NRXN1: variants seen among roughly 807,000 people sequenced by gnomAD.
NRXN1 encodes the protein neurexin-1.
Under a neutral mutation model 150.9 loss-of-function variants are expected in NRXN1, and 39 were observed. The ratio of observed to expected loss-of-function variants is 0.26; its 90% CI spans 0.20 to 0.34. NRXN1 has a LOEUF of 0.34. Among genes scored for constraint, NRXN1 ranks in the 10% least tolerant of loss-of-function variants. The probability of loss-of-function intolerance (pLI) is 1.00; values close to 1 mark genes in which losing one functional copy is unlikely to be tolerated. For missense variants in NRXN1, 1,815 were observed against 1,949.9 expected (o/e 0.93, Z 1.30); for synonymous variants, 924 against 757.0 (o/e 1.22, Z -3.62).
chr2:50,123,051 T>C (rs1314568894), intron 18 of NRXN1, among the ~76,000 whole-genome samples: 1 of 152,198 alleles, frequency 6.6e-6, no homozygotes, highest in South Asian at 2.1e-4. Context: ...AAAATGTAAT[T>C]ACATTTATTT....
chr2:50,043,312 G>C (rs1166145994), intron 21 of NRXN1, among the ~76,000 whole-genome samples: 1 of 152,158 alleles, frequency 6.6e-6, no homozygotes, highest in Non-Finnish European at 1.5e-5. Context: ...GTTCAGAACA[G>C]AACAAGTTGG....
At chr2:50,555,371 TG>T (rs1195384826) in intron 8 of NRXN1, among the ~76,000 whole-genome samples, 3 of 152,108 alleles carry the variant, frequency 2.0e-5, no homozygotes, top group Admixed American at 2.0e-4. Flanking sequence ...AGTCTAAGTC[TG>T]GGCAAGGATT....
chr2:50,514,811 G>T (rs2092577371), intron 12 of NRXN1, among the ~76,000 whole-genome samples: 2 of 152,100 alleles, frequency 1.3e-5, no homozygotes, highest in African/African-American at 4.8e-5. Context: ...GCATATTAAA[G>T]AATAACAGAA....
intron 8 of NRXN1, among the ~76,000 whole-genome samples, chr2:50,554,764 A>G (rs1573526584): frequency 6.6e-6 from 1 of 152,206 alleles, no homozygotes; most frequent in African/African-American, 2.4e-5. Context: ...CAACTAAATA[A>G]GTCACATCTT....
chr2:50,531,652 A>G (rs1051780301), intron 10 of NRXN1, among the ~76,000 whole-genome samples: 11 of 152,124 alleles, frequency 7.2e-5, no homozygotes, highest in African/African-American at 2.7e-4. Context: ...AGAAACAGAG[A>G]TATCAGCAGT....
intron 12 of NRXN1, among the ~76,000 whole-genome samples, chr2:50,518,979 A>G (rs1470923038): frequency 6.6e-6 from 1 of 151,894 alleles, no homozygotes; most frequent in African/African-American, 2.4e-5. Flanking sequence ...TTTACTGGGA[A>G]GTCATTATAA....
At chr2:50,809,346 A>G (rs1365181231) in intron 5 of NRXN1, among the ~76,000 whole-genome samples, 1 of 152,112 alleles carries the variant, frequency 6.6e-6, no homozygotes, top group Non-Finnish European at 1.5e-5. Context: ...TTTCTGTCCC[A>G]AATCCTCTCG....
At chr2:51,017,403 A>C (rs957214036) in intron 2 of NRXN1, among the ~76,000 whole-genome samples, 1 of 150,128 alleles carries the variant, frequency 6.7e-6, no homozygotes, top group Non-Finnish European at 1.5e-5. Flanking sequence ...TGGCACAATA[A>C]TAGCCCACTG....
At chr2:50,795,324 A>G (rs1351505927) in intron 5 of NRXN1, among the ~76,000 whole-genome samples, 2 of 152,010 alleles carry the variant, frequency 1.3e-5, no homozygotes, top group East Asian at 1.9e-4. Context: ...AAAAGACCCA[A>G]TTTTCTTCAT....
At chr2:50,892,245 C>T (rs552337684) in intron 5 of NRXN1, among the ~76,000 whole-genome samples, 2 of 152,076 alleles carry the variant, frequency 1.3e-5, no homozygotes, top group East Asian at 3.9e-4. Flanking sequence ...GAGAACATGG[C>T]ATTTATTAAG....
At chr2:50,699,120 T>C (rs1177018285) in intron 5 of NRXN1, among the ~76,000 whole-genome samples, 4 of 152,166 alleles carry the variant, frequency 2.6e-5, no homozygotes, top group Non-Finnish European at 4.4e-5. Flanking sequence ...AAACACAAAA[T>C]GATAGCAGGA....
intron 5 of NRXN1, among the ~76,000 whole-genome samples, chr2:50,824,743 G>C (rs544018608): frequency 3.3e-4 from 51 of 152,244 alleles, no homozygotes; most frequent in African/African-American, 1.2e-3. Flanking sequence ...GGTCATGCAA[G>C]GCTAAAACAG....
intron 4 of NRXN1, 67 bp downstream of exon 4, chr2:50,922,591 T>C (rs1686206506): frequency 6.7e-7 from 1 of 1,499,410 alleles, no homozygotes; most frequent in African/African-American, 1.4e-5. Context: ...TTTGCAGTGA[T>C]GGTTTGAAAG....
chr2:50,455,329 C>T (rs1300230837), intron 17 of NRXN1, among the ~76,000 whole-genome samples: 1 of 152,110 alleles, frequency 6.6e-6, no homozygotes, highest in Admixed American at 6.6e-5. Context: ...ATGGCCATAG[C>T]TTTCAGGGAC....
chr2:50,550,783 G>A (rs1200436512), intron 9 of NRXN1, among the ~76,000 whole-genome samples: 8 of 151,464 alleles, frequency 5.3e-5, no homozygotes, highest in Admixed American at 5.3e-4. Flanking sequence ...CCAGCTTCAT[G>A]CCATTCTCCT....
chr2:49,960,040 T>C (rs754456305), intron 21 of NRXN1, among the ~76,000 whole-genome samples: 1 of 152,180 alleles, frequency 6.6e-6, no homozygotes, highest in Non-Finnish European at 1.5e-5. Context: ...TCCCAACCAT[T>C]CCAAAGCATT....
chr2:50,566,050 C>T (rs376908717), intron 8 of NRXN1, among the ~76,000 whole-genome samples: 3 of 152,170 alleles, frequency 2.0e-5, no homozygotes, highest in African/African-American at 7.2e-5. Flanking sequence ...CACAGCGATG[C>T]TGACCCGACA....
intron 17 of NRXN1, among the ~76,000 whole-genome samples, chr2:50,454,893 G>A: frequency 6.6e-6 from 1 of 152,126 alleles, no homozygotes; most frequent in South Asian, 2.1e-4. Context: ...GAACCATCAA[G>A]TAATCAAAGA....
intron 17 of NRXN1, among the ~76,000 whole-genome samples, chr2:50,318,107 C>T (rs1003064247): frequency 1.3e-5 from 2 of 151,688 alleles, no homozygotes; most frequent in Non-Finnish European, 2.9e-5. Flanking sequence ...TTCTAAGCAT[C>T]AATAAAGAAA....
Sources: allele counts gnomAD v4.1 joint callset (sites outside exome capture counted in the v4.1 genomes callset), GRCh38; gene constraint gnomAD v4.1.1; transcripts MANE v1.5; gene names NCBI Gene and HGNC (gene_info 2026-07-23, HGNC 2026-07-21).